Variants in ZNF708 observed in about 807,000 individuals in gnomAD.
ZNF708 encodes the protein ZNF15, ZNF15L1.
In ZNF708, 44 loss-of-function variants were observed where a neutral mutation model predicts 47.0. The ratio of observed to expected loss-of-function variants is 0.94; its 90% confidence interval spans 0.74 to 1.20. The LOEUF (loss-of-function observed/expected upper bound fraction) is 1.20. ZNF708 is among the 50% of genes most tolerant of loss of function. ZNF708 has a pLI of 0.00. For synonymous variants in ZNF708, 184 were observed against 218.5 expected (o/e 0.84, Z 1.39); for missense variants, 557 against 656.0 (o/e 0.85, Z 1.65).
rs1972443166 is a variant in ZNF708, at chr19:21,293,542, G to A, written c.1424C>T (p.Pro475Leu). 7 of 1,613,118 alleles carry A rather than the reference G, an allele frequency of 4.3e-6. No individual in the cohort carries two copies. Among genetic ancestry groups the A allele is most frequent in the Non-Finnish European group, 4.2e-6 (5 of 1,179,748 alleles). Residue 475 changes from proline to leucine, a missense_variant, in exon 4 of 4, where the codon CCC becomes CTC. Transcript: ENST00000356929. ...NHKKIHTGEKPYKCEECGKSF... is the reference protein window; with the variant it reads ...NHKKIHTGEKLYKCEECGKSF... ...TTTGCCACATTCTTCACACTTATAG[G>A]GTTTCTCTCCAGTATGAATTTTTTT...
At chr19:21,307,201 T>A (rs1972801208) in intron 3 of ZNF708, among the ~76,000 whole-genome samples, 1 of 149,618 alleles carries the variant, frequency 6.7e-6, no homozygotes, top group Non-Finnish European at 1.5e-5. Context: ...ACAATAGGAA[T>A]TACAACTATC....
rs1973289825 is a variant in ZNF708, at chr19:21,327,662, TAC to T, written c.3+1546_3+1547del. Among the ~76,000 whole-genome samples the T allele has an allele frequency of 2.6e-5, 4 of 152,306 alleles. No individual in the cohort carries two copies. The South Asian group carries it at 8.3e-4, about 32-fold the overall frequency. On this transcript the variant is annotated intron_variant, in intron 1 of 3. Coordinates refer to ENST00000356929, the MANE Select transcript of ZNF708 (RefSeq NM_021269.3). ...ATTACACTATGCCCCAGGTGCATTT[TAC>T]TTTGTAAGTTCTTGCACCATCTCAC... is the stretch of plus-strand genomic sequence containing the variant.
intron 3 of ZNF708, among the ~76,000 whole-genome samples, chr19:21,297,364 C>T (rs1446731275): frequency 2.8e-5 from 4 of 141,486 alleles, no homozygotes; most frequent in African/African-American, 7.8e-5. Flanking sequence ...CTACATTTCC[C>T]GGATTCAAGC....
chr19:21,309,600 C>A (rs1220084675), intron 2 of ZNF708, among the ~76,000 whole-genome samples: 1 of 151,960 alleles, frequency 6.6e-6, no homozygotes. Flanking sequence ...CCTAGCTACT[C>A]GGGAGGCTGA....
At chr19:21,328,067 A>G (rs1334920793) in intron 1 of ZNF708, 30 of 979,896 alleles carry the variant, frequency 3.1e-5, no homozygotes, top group Non-Finnish European at 3.5e-5. Flanking sequence ...CAGTACTGAA[A>G]CCCAGGACCA....
intron 1 of ZNF708, among the ~76,000 whole-genome samples, chr19:21,327,258 G>A (rs113939342): frequency 5.9e-5 from 9 of 152,142 alleles, no homozygotes; most frequent in African/African-American, 1.2e-4. Flanking sequence ...GACCGGGCGC[G>A]GTGGCTCACG....
rs1972442458 is a variant in ZNF708 at position 21,293,527 on chromosome 19, T to A, written c.1439A>T (p.Glu480Val). The A allele has an allele frequency of 6.2e-7, 1 of 1,613,156 alleles. No homozygotes were observed. Among genetic ancestry groups the A allele is most frequent in the South Asian group, 1.1e-5 (1 of 91,006 alleles). Residue 480 changes from glutamate to valine, a missense_variant, in exon 4 of 4, where the codon GAA (glutamate) becomes GTA (valine). Coordinates refer to ENST00000356929, the MANE Select transcript of ZNF708 (RefSeq NM_021269.3). ...GGACAGAATAAAGCTTTTGCCACAT[T>A]CTTCACACTTATAGGGTTTCTCTCC... is the stretch of plus-strand genomic sequence containing the variant. ...HTGEKPYKCEECGKSFILSSH... is the reference protein window; with the variant it reads ...HTGEKPYKCEVCGKSFILSSH...
intron 1 of ZNF708, among the ~76,000 whole-genome samples, chr19:21,319,759 C>T (rs1973090436): frequency 6.6e-6 from 1 of 152,094 alleles, no homozygotes. Context: ...AATGAGATAC[C>T]ATCTCACACC....
intron 1 of ZNF708, among the ~76,000 whole-genome samples, chr19:21,325,978 A>G (rs1482519452): frequency 6.6e-6 from 1 of 152,178 alleles, no homozygotes; most frequent in African/African-American, 2.4e-5. Flanking sequence ...AACATCACTA[A>G]TGATCAGGGA....
rs1972384155 is a variant in ZNF708 at position 21,291,181 on chromosome 19, C to T, written c.*2093G>A. 1 of 148,106 alleles carries T rather than the reference C, an allele frequency of 6.8e-6. No homozygotes were observed. Among genetic ancestry groups the T allele is most frequent in the Non-Finnish European group, 1.5e-5 (1 of 67,412 alleles). The allele number at this position is 148,106 out of a possible 1,614,324, so 9.2% of individuals were successfully genotyped here. A position where few individuals can be genotyped will look rare whatever the true frequency, so the allele number is the denominator to read the frequency against. On this transcript the variant is annotated 3_prime_UTR_variant, in exon 4 of 4. Coordinates refer to ENST00000356929, the MANE Select transcript of ZNF708 (RefSeq NM_021269.3). The stretch of plus-strand genomic sequence containing the variant: ...CATCTGAAAATTTAAAAATGTACTG[C>T]ATTTTATTACATAAAAGTACAAATA...
Position 21,293,517 on chromosome 19 carries a change from T to A in ZNF708, c.1449A>T (p.Lys483Asn). The change falls in exon 4 of 4, where the codon AAA (lysine) becomes AAT (asparagine). Residue 483 changes from lysine to asparagine, a missense_variant. Coordinates refer to ENST00000356929, the MANE Select transcript of ZNF708 (RefSeq NM_021269.3). ...EKPYKCEECG[K>N]SFILSSHLTT... ...TAAGATGAGAGGACAGAATAAAGCT[T>A]TTGCCACATTCTTCACACTTATAGG... The A allele has an allele frequency of 6.2e-7, 1 of 1,613,244 alleles. No individual in the cohort carries two copies. The highest frequency in any genetic ancestry group is 8.5e-7 in the Non-Finnish European group (1 of 1,179,736).
At chr19:21,309,205 A>G in intron 3 of ZNF708, 41 bp downstream of exon 3, 1 of 1,507,644 alleles carries the variant, frequency 6.6e-7, no homozygotes, top group Non-Finnish European at 9.0e-7. Context: ...TTACCTTTGG[A>G]CCTCACATCT....
At chr19:21,318,719 A>C (rs1356101614) in intron 1 of ZNF708, 2 of 152,206 alleles carry the variant, frequency 1.3e-5, no homozygotes, top group African/African-American at 4.8e-5. Context: ...GCACTTTTTA[A>C]ATTACGAACT....
intron 1 of ZNF708, among the ~76,000 whole-genome samples, chr19:21,323,126 AG>A (rs1221757165): frequency 6.6e-6 from 1 of 152,232 alleles, no homozygotes; most frequent in Non-Finnish European, 1.5e-5. Context: ...TAGACAATCC[AG>A]ATAAATAACT....
At chr19:21,297,666 A>C (rs891265198) in intron 3 of ZNF708, among the ~76,000 whole-genome samples, 9 of 152,096 alleles carry the variant, frequency 5.9e-5, no homozygotes, top group African/African-American at 2.2e-4. Context: ...ATCTAGAGAC[A>C]TAATTTTCAA....
intron 3 of ZNF708, among the ~76,000 whole-genome samples, chr19:21,299,305 A>G (rs1972606117): frequency 1.3e-5 from 2 of 152,096 alleles, no homozygotes; most frequent in Admixed American, 1.3e-4. Flanking sequence ...ATGAGGCGAG[A>G]TTGCACCACT....
chr19:21,302,732 T>G (rs1972685249), intron 3 of ZNF708, among the ~76,000 whole-genome samples: 1 of 151,896 alleles, frequency 6.6e-6, no homozygotes, highest in African/African-American at 2.4e-5. Flanking sequence ...ATTTTCATAT[T>G]AAAATGTTTT....
At chr19:21,322,591 C>T (rs933695375) in intron 1 of ZNF708, among the ~76,000 whole-genome samples, 5 of 152,176 alleles carry the variant, frequency 3.3e-5, no homozygotes, top group Non-Finnish European at 5.9e-5. Context: ...GCGTGAGCCA[C>T]GGCACCCGGC....
In ZNF708 at chr19:21,319,380, G is replaced by C. The variant is rs1973079967; in HGVS notation, c.4-8753C>G. Among the ~76,000 whole-genome samples the C allele has an allele frequency of 2.6e-5, 4 of 151,678 alleles. No individual in the cohort carries two copies. The South Asian group carries it at 8.3e-4, about 32-fold the overall frequency. The stretch of plus-strand genomic sequence containing the variant: ...TGTAAAAGGAACCTAGTATGTTTTA[G>C]TCCTTATTATTCTGTATTGCTAAAT... On this transcript the variant is annotated intron_variant, in intron 1 of 3. Transcript: ENST00000356929.
Sources: gnomAD v4.1 joint callset for allele counts (sites outside exome capture counted in the v4.1 genomes callset) on GRCh38, gnomAD v4.1.1 for gene constraint, MANE v1.5 for transcripts, NCBI Gene and HGNC (gene_info 2026-07-23, HGNC 2026-07-21) for gene names.